ROBO2: variants seen among roughly 807,000 people sequenced by gnomAD.
ROBO2 encodes the protein roundabout guidance receptor 2.
ROBO2 carries 53 observed loss-of-function variants against 160.8 expected under a neutral mutation model. The observed-to-expected ratio is 0.33, with a 90% CI of 0.26 to 0.41. The LOEUF is 0.41. Among genes scored for constraint, ROBO2 ranks in the 10% least tolerant of loss-of-function variants. ROBO2 has a pLI of 1.00. For missense variants in ROBO2, 1,577 were observed against 1,722.4 expected (o/e 0.92, Z 1.49); for synonymous variants, 664 against 611.7 (o/e 1.09, Z -1.26).
intron 6 of ROBO2, among the ~76,000 whole-genome samples, chr3:77,543,382 T>C (rs2092565011): frequency 6.6e-6 from 1 of 152,210 alleles, no homozygotes; most frequent in South Asian, 2.1e-4. Flanking sequence ...AATCAGTACA[T>C]TTTGTGTGAA....
At chr3:76,842,530 T>C (rs1412634768) in intron 2 of ROBO2, among the ~76,000 whole-genome samples, 1 of 152,162 alleles carries the variant, frequency 6.6e-6, no homozygotes. Context: ...GTAAACAACA[T>C]ACATTTGCTG....
chr3:77,499,442 C>G (rs987707536), intron 5 of ROBO2, among the ~76,000 whole-genome samples: 18 of 152,052 alleles, frequency 1.2e-4, no homozygotes, highest in Non-Finnish European at 2.6e-4. Context: ...AAACATTGTA[C>G]AATGGATGCA....
chr3:76,562,074 A>G (rs1399282679), intron 2 of ROBO2, among the ~76,000 whole-genome samples: 4 of 151,874 alleles, frequency 2.6e-5, no homozygotes, highest in Non-Finnish European at 4.4e-5. Context: ...GCATCTGACT[A>G]TCTGGGAAAT....
At chr3:76,305,584 C>T (rs965912818) in intron 2 of ROBO2, among the ~76,000 whole-genome samples, 2 of 151,440 alleles carry the variant, frequency 1.3e-5, no homozygotes, top group African/African-American at 4.9e-5. Context: ...CATGGTAAAA[C>T]CCCATCTCTG....
chr3:76,787,361 C>CACACAT (rs879742821), intron 2 of ROBO2, among the ~76,000 whole-genome samples: 3 of 150,396 alleles, frequency 2.0e-5, no homozygotes, highest in Non-Finnish European at 4.5e-5. Context: ...CACACACACA[C>CACACAT]ACACAGAGTT....
chr3:77,622,272 G>A (rs1306359829), exon 23 of ROBO2: 4 of 1,613,956 alleles, frequency 2.5e-6, no homozygotes, highest in Middle Eastern at 1.6e-4. Flanking sequence ...CAGTTCCACC[G>A]TTAGGTTATG....
chr3:77,540,416 T>C (rs188189300), intron 6 of ROBO2, among the ~76,000 whole-genome samples: 1 of 152,282 alleles, frequency 6.6e-6, no homozygotes, highest in African/African-American at 2.4e-5. Context: ...GTTCCTACTG[T>C]GGCATTCGAA....
At chr3:77,213,843 A>G (rs2151123489) in intron 2 of ROBO2, among the ~76,000 whole-genome samples, 1 of 152,234 alleles carries the variant, frequency 6.6e-6, no homozygotes, top group East Asian at 1.9e-4. Flanking sequence ...TGTACCCAGT[A>G]GTCATTCAGG....
chr3:76,999,463 C>T (rs1456537723), intron 2 of ROBO2, among the ~76,000 whole-genome samples: 1 of 152,058 alleles, frequency 6.6e-6, no homozygotes, highest in African/African-American at 2.4e-5. Context: ...TTTTTTGAAC[C>T]TATGTCTTTA....
intron 2 of ROBO2, among the ~76,000 whole-genome samples, chr3:76,116,362 A>G (rs1185886477): frequency 6.6e-6 from 1 of 152,176 alleles, no homozygotes; most frequent in Admixed American, 6.6e-5. Context: ...CGGAATCCTC[A>G]GTCAGACGTA....
At chr3:77,612,306 T>C (rs1391377882) in intron 21 of ROBO2, among the ~76,000 whole-genome samples, 2 of 152,198 alleles carry the variant, frequency 1.3e-5, no homozygotes, top group African/African-American at 4.8e-5. Context: ...AGGGCTACAC[T>C]TCATAAAATT....
At chr3:77,478,471 A>C (rs545100276) in intron 3 of ROBO2, among the ~76,000 whole-genome samples, 2 of 152,342 alleles carry the variant, frequency 1.3e-5, no homozygotes, top group South Asian at 4.1e-4. Context: ...CAGTTGATTA[A>C]AATTCAAAAT....
chr3:75,947,380 G>C (rs1296370729), intron 2 of ROBO2, among the ~76,000 whole-genome samples: 1 of 152,074 alleles, frequency 6.6e-6, no homozygotes, highest in Non-Finnish European at 1.5e-5. Flanking sequence ...CCATGAGCCA[G>C]ATCTGGCCTG....
At chr3:77,006,045 ACT>A (rs1491231953) in intron 2 of ROBO2, among the ~76,000 whole-genome samples, 2 of 131,074 alleles carry the variant, frequency 1.5e-5, no homozygotes, top group Non-Finnish European at 3.2e-5. Context: ...TTGCTTATAG[ACT>A]TTTTTTTTCA....
rs376006352 is a variant in ROBO2, at chr3:76,618,733, C to T, written c.110-479281C>T. ...CCTAATACACAAATGTACAATATTA[C>T]ATTTAATCACAATTGACGGATCCTG... On this transcript the variant is annotated intron_variant, in intron 2 of 26. Transcript: ENST00000487694. Among the ~76,000 whole-genome samples the T allele has an allele frequency of 2.3e-4, 35 of 151,852 alleles. No individual in the cohort carries two copies. The Middle Eastern group carries it at 0.01, about 44-fold the overall frequency.
intron 2 of ROBO2, among the ~76,000 whole-genome samples, chr3:77,131,080 T>C (rs1460758873): frequency 6.6e-6 from 1 of 152,148 alleles, no homozygotes; most frequent in African/African-American, 2.4e-5. Flanking sequence ...AAAATGGCAT[T>C]AATGGGACTG....
At chr3:76,164,988 C>A (rs765384075) in intron 2 of ROBO2, among the ~76,000 whole-genome samples, 27 of 152,132 alleles carry the variant, frequency 1.8e-4, no homozygotes, top group Non-Finnish European at 5.9e-5. Context: ...TGCATAGTCT[C>A]CTTAGAAACA....
At chr3:76,219,320 C>T (rs1287902801) in intron 2 of ROBO2, among the ~76,000 whole-genome samples, 1 of 152,158 alleles carries the variant, frequency 6.6e-6, no homozygotes. Flanking sequence ...CCAAAATTGA[C>T]AAATGGGATC....
At chr3:76,033,212 G>A (rs2066986877) in intron 2 of ROBO2, among the ~76,000 whole-genome samples, 2 of 151,990 alleles carry the variant, frequency 1.3e-5, no homozygotes, top group Admixed American at 1.3e-4. Flanking sequence ...AGAAAAACAA[G>A]TTTAGAGCTT....
Sources: allele counts gnomAD v4.1 joint callset (sites outside exome capture counted in the v4.1 genomes callset), GRCh38; gene constraint gnomAD v4.1.1; transcripts MANE v1.5; gene names NCBI Gene and HGNC (gene_info 2026-07-23, HGNC 2026-07-21).